Variants in ADCY1 observed in about 807,000 individuals in gnomAD.
ADCY1 encodes the protein adenylate cyclase 1.
ADCY1 carries 28 observed loss-of-function variants against 105.4 expected under a neutral mutation model. The observed-to-expected ratio is 0.27, with a 90% CI of 0.20 to 0.36. The LOEUF (loss-of-function observed/expected upper bound fraction) is 0.36. Ranked by LOEUF, ADCY1 falls within the 10% of genes least tolerant of loss-of-function variation. The pLI is 1.00. For synonymous variants in ADCY1, 655 were observed against 623.8 expected (o/e 1.05, Z -0.75); for missense variants, 977 against 1,434.2 (o/e 0.68, Z 5.15).
chr7:45,703,086 C>T lies in ADCY1; in HGVS notation c.2455-290C>T, dbSNP rs1785032006. Among the ~76,000 whole-genome samples, 1 of 152,158 alleles carries T rather than the reference C, an allele frequency of 6.6e-6. No homozygotes were observed. Among genetic ancestry groups the T allele is most frequent in the Non-Finnish European group, 1.5e-5 (1 of 68,022 alleles). On this transcript the variant is annotated intron_variant, in intron 14 of 19. Transcript: ENST00000297323. This position sits in a 1 kb window ranked among gnomAD's most constrained non-coding sequence, Gnocchi z 5.9. Reference sequence around the variant, plus strand: ...AGAAAGAGTTGCTGTAGCATCTGGTCCCTAAGGGGTGGCGGAGGGCAGGGC... The same window carrying T: ...AGAAAGAGTTGCTGTAGCATCTGGTTCCTAAGGGGTGGCGGAGGGCAGGGC...
Position 45,663,542 on chromosome 7 carries a change from T to A in ADCY1, c.1605+1328T>A, listed in dbSNP as rs548127570. 3.3e-5 allele frequency among the ~76,000 whole-genome samples: 5 copies of A among 152,284 alleles called. No homozygotes were observed. In the East Asian group the frequency reaches 9.7e-4, roughly 29 times the overall value. ...GCGGGAGCTGTTAAAATTATTTGGC[T>A]GGATCGGTGGGCTCATGCCTCTAAT... On this transcript the variant is annotated intron_variant, in intron 8 of 19. Coordinates refer to ENST00000297323, the MANE Select transcript of ADCY1 (RefSeq NM_021116.4).
rs1218127395 is a variant in ADCY1, at chr7:45,704,584, G to A, written c.2785G>A (p.Ala929Thr). 6 of 1,614,066 alleles carry A rather than the reference G, an allele frequency of 3.7e-6. No individual in the cohort carries two copies. Among genetic ancestry groups the A allele is most frequent in the Admixed American group, 1.7e-5 (1 of 60,006 alleles). The change falls in exon 17 of 20, where the codon GCT (alanine) becomes ACT (threonine). Residue 929 changes from alanine (A) to threonine (T), a missense_variant. This residue lies in a region of ADCY1 where 152 missense variants were observed against 293.7 expected (regional missense o/e 0.52). Transcript: ENST00000297323. ...IKTIGSTYMA[A>T]VGLAPTSGTK... ...GACCATCGGGAGCACCTACATGGCC[G>A]CTGTGGGGCTAGCGCCCACCTCGGG...
At chr7:45,682,225 G>A (rs909619416) in intron 11 of ADCY1, among the ~76,000 whole-genome samples, 98 of 152,184 alleles carry the variant, frequency 6.4e-4, no homozygotes, top group African/African-American at 2.2e-3. Flanking sequence ...GGGGCAGTGG[G>A]TGTAGCTCAT....
At chr7:45,597,235 G>A (rs1793101200) in intron 2 of ADCY1, among the ~76,000 whole-genome samples, 1 of 152,238 alleles carries the variant, frequency 6.6e-6, no homozygotes, top group Admixed American at 6.5e-5. Context: ...TGATGGAACA[G>A]ATGGAGATGG....
In ADCY1 at chr7:45,624,917, G is replaced by C. The variant is rs112912964; in HGVS notation, c.1020+2174G>C. 1.2e-3 allele frequency among the ~76,000 whole-genome samples: 184 copies of C among 152,350 alleles called. 1 individual carries two copies. The highest frequency in any genetic ancestry group is 4.2e-3 in the African/African-American group (174 of 41,592). On this transcript the variant is annotated intron_variant, in intron 4 of 19. Coordinates refer to ENST00000297323, the MANE Select transcript of ADCY1 (RefSeq NM_021116.4). ...TGTCTTCCTGGCAGTCCTGAGATGAGCACCTTTGTCTGTGAGGGGACAGGA... is the reference window on the plus strand; with the variant it reads ...TGTCTTCCTGGCAGTCCTGAGATGACCACCTTTGTCTGTGAGGGGACAGGA...
At chr7:45,623,914 G>C (rs2115933751) in intron 4 of ADCY1, among the ~76,000 whole-genome samples, 1 of 152,312 alleles carries the variant, frequency 6.6e-6, no homozygotes, top group South Asian at 2.1e-4. Flanking sequence ...TCCCTGCCCT[G>C]TGAGGGTGTG....
chr7:45,590,804 C>CAT (rs540283858), intron 1 of ADCY1, among the ~76,000 whole-genome samples: 69 of 152,282 alleles, frequency 4.5e-4, no homozygotes, highest in African/African-American at 1.5e-3. Flanking sequence ...ACAGCCATCC[C>CAT]GTCTGGCCTG....
intron 8 of ADCY1, chr7:45,664,654 T>A (rs966804936): frequency 1.9e-6 from 1 of 516,126 alleles, no homozygotes; most frequent in African/African-American, 1.9e-5. Flanking sequence ...ATTTTTTTAA[T>A]AAACTTGACT....
intron 1 of ADCY1, among the ~76,000 whole-genome samples, chr7:45,579,113 G>A (rs914908993): frequency 2.0e-5 from 3 of 152,140 alleles, no homozygotes; most frequent in Non-Finnish European, 4.4e-5. Flanking sequence ...GCTTGGAGGT[G>A]AAACAACCTA....
At position 45,592,637 on chromosome 7, in the gene ADCY1, G is replaced by A. The variant is rs1395226730; in HGVS notation, c.640-122G>A. ...CTCCCTGTGTCCCTGGCCCTGCGCT[G>A]TGGGTTTGGCCCGGGCGGCGTGGCT... On this transcript the variant is annotated intron_variant, in intron 1 of 19. Transcript: ENST00000297323. The A allele has an allele frequency of 2.9e-6, 4 of 1,370,782 alleles. No homozygotes were observed. The Admixed American group carries it at 5.6e-5, about 19-fold the overall frequency. The allele number at this position is 1,370,782 out of a possible 1,614,324, so 84.9% of individuals were successfully genotyped here.
At position 45,710,736 on chromosome 7, in the gene ADCY1, C is replaced by G. The variant is rs1584347891; in HGVS notation, c.3057+84C>G. 17 of 1,501,888 alleles carry G rather than the reference C, an allele frequency of 1.1e-5. No individual in the cohort carries two copies. The East Asian group carries it at 4.1e-4, about 36-fold the overall frequency. 93.0% of individuals were successfully genotyped at this position (1,501,888 alleles called of 1,614,324 possible). A position where few individuals can be genotyped will look rare whatever the true frequency, so the allele number is the denominator to read the frequency against. ...AGGCACAGGGGGCCAGAATTGAATC[C>G]CCAGTCTACAGCCCGTAAGTGGCAG... On this transcript the variant is annotated intron_variant, in intron 19 of 19. Transcript: ENST00000297323. This position sits in a 1 kb window ranked among gnomAD's most constrained non-coding sequence, Gnocchi z 4.7.
At position 45,686,446 on chromosome 7, in the gene ADCY1, C is replaced by T; in HGVS notation, c.2328-101C>T. 6.6e-7 allele frequency: 1 copy of T among 1,504,848 alleles called. No individual in the cohort carries two copies. The highest frequency in any genetic ancestry group is 1.3e-5 in the South Asian group (1 of 74,644). The allele number at this position is 1,504,848 out of a possible 1,614,324, so 93.2% of individuals were successfully genotyped here. A position where few individuals can be genotyped will look rare whatever the true frequency, so the allele number is the denominator to read the frequency against. ...ATCCCAGCAAGCTGTTTTTGGGTGTCACCACCTGAGGGTCACTCTGAACAG... is the reference window on the plus strand; with the variant it reads ...ATCCCAGCAAGCTGTTTTTGGGTGTTACCACCTGAGGGTCACTCTGAACAG... On this transcript the variant is annotated intron_variant, in intron 13 of 19. Coordinates refer to ENST00000297323, the MANE Select transcript of ADCY1 (RefSeq NM_021116.4). This position sits in a 1 kb window ranked among gnomAD's most constrained non-coding sequence, Gnocchi z 4.3.
chr7:45,622,059 C>T (rs941375573), intron 3 of ADCY1, among the ~76,000 whole-genome samples: 2 of 152,130 alleles, frequency 1.3e-5, no homozygotes, highest in African/African-American at 2.4e-5. Context: ...ACACTCAGTA[C>T]GTAGAGGCTT....
Position 45,581,868 on chromosome 7 carries a change from C to T in ADCY1, c.639+6686C>T, listed in dbSNP as rs117687736. Among the ~76,000 whole-genome samples the T allele has an allele frequency of 1.3e-3, 192 of 152,198 alleles. 1 individual carries two copies. Among genetic ancestry groups the T allele is most frequent in the African/African-American group, 4.5e-3 (186 of 41,532 alleles). ...AAACACACACACATACATGCACATA[C>T]CCACACAAAAATCCTCCCAGATGCA... On this transcript the variant is annotated intron_variant, in intron 1 of 19. Transcript: ENST00000297323.
intron 12 of ADCY1, 28 bp downstream of exon 12, chr7:45,685,096 C>G: frequency 6.3e-7 from 1 of 1,598,852 alleles, no homozygotes; most frequent in South Asian, 1.1e-5. Flanking sequence ...GTGGCATGCG[C>G]TGGGGCGGGA....
Position 45,686,349 on chromosome 7 carries a change from C to G in ADCY1, c.2327+134C>G. On this transcript the variant is annotated intron_variant, in intron 13 of 19. Coordinates refer to ENST00000297323, the MANE Select transcript of ADCY1 (RefSeq NM_021116.4). This position sits in a 1 kb window ranked among gnomAD's most constrained non-coding sequence, Gnocchi z 4.3. ...GTATACACAATTTTTAGTTTGGTGG[C>G]TGCTTCTCTTCAACCCAAGTTCTAG... 7.0e-7 allele frequency: 1 copy of G among 1,429,770 alleles called. No individual in the cohort carries two copies. The highest frequency in any genetic ancestry group is 9.4e-7 in the Non-Finnish European group (1 of 1,068,252). The allele number at this position is 1,429,770 out of a possible 1,614,324, so 88.6% of individuals were successfully genotyped here. A position where few individuals can be genotyped will look rare whatever the true frequency, so the allele number is the denominator to read the frequency against.
intron 11 of ADCY1, among the ~76,000 whole-genome samples, chr7:45,681,163 G>C (rs1324424280): frequency 6.6e-6 from 1 of 152,196 alleles, no homozygotes; most frequent in Non-Finnish European, 1.5e-5. Flanking sequence ...GAAAACTCTC[G>C]GTTCTAAAAA....
At chr7:45,589,787 G>A (rs529013286) in intron 1 of ADCY1, among the ~76,000 whole-genome samples, 3 of 150,604 alleles carry the variant, frequency 2.0e-5, no homozygotes, top group East Asian at 1.9e-4. Context: ...ACCCTCCACC[G>A]TGGGTTTTTT....
intron 4 of ADCY1, among the ~76,000 whole-genome samples, chr7:45,636,788 G>C (rs1794408483): frequency 6.6e-6 from 1 of 152,228 alleles, no homozygotes; most frequent in Non-Finnish European, 1.5e-5. Flanking sequence ...GAATCCGCCT[G>C]CCTCAGCCTC....
Sources: allele counts gnomAD v4.1 joint callset (sites outside exome capture counted in the v4.1 genomes callset), GRCh38; gene constraint gnomAD v4.1.1; regional missense constraint gnomAD v4.1.1; non-coding constraint Gnocchi (gnomAD v3.1); transcripts MANE v1.5; gene names NCBI Gene and HGNC (gene_info 2026-07-23, HGNC 2026-07-21).